TXNDC16: variants seen among roughly 807,000 people sequenced by gnomAD.
TXNDC16 encodes the protein thioredoxin domain containing 16.
Under a neutral mutation model 85.6 loss-of-function variants are expected in TXNDC16, and 74 were observed. That is an observed-to-expected ratio of 0.86 (90% CI 0.72 to 1.05). TXNDC16 has a LOEUF of 1.05. TXNDC16 is among the 50% of genes least tolerant of loss of function. The pLI is 0.00. For synonymous variants in TXNDC16, 335 were observed against 326.5 expected (o/e 1.03, Z -0.28); for missense variants, 959 against 947.0 (o/e 1.01, Z -0.17).
At chr14:52,521,229 C>G (rs146683845) in intron 6 of TXNDC16, among the ~76,000 whole-genome samples, 2,010 of 151,580 alleles carry the variant, frequency 0.013, 44 homozygotes, top group African/African-American at 0.046. Flanking sequence ...TCTTCTGCGT[C>G]AGCCTCCCGA....
intron 1 of TXNDC16, among the ~76,000 whole-genome samples, chr14:52,547,083 AAAAG>A (rs2037955565): frequency 6.6e-6 from 1 of 152,244 alleles, no homozygotes; most frequent in Admixed American, 6.5e-5. Flanking sequence ...ACAAGGTATT[AAAAG>A]AAAAATACCC....
At chr14:52,488,029 G>T (rs543414890) in intron 12 of TXNDC16, among the ~76,000 whole-genome samples, 94 of 152,250 alleles carry the variant, frequency 6.2e-4, no homozygotes, top group Admixed American at 3.1e-3. Context: ...TAGTAACAAT[G>T]AATTATCATG....
At chr14:52,529,839 TATA>T (rs1451988240) in intron 6 of TXNDC16, among the ~76,000 whole-genome samples, 3 of 110,590 alleles carry the variant, frequency 2.7e-5, no homozygotes, top group African/African-American at 1.2e-4. Context: ...TATTACTATA[TATA>T]ATAAATACCT....
chr14:52,491,362 T>TC (rs2036402188), intron 9 of TXNDC16, among the ~76,000 whole-genome samples: 1 of 126,266 alleles, frequency 7.9e-6, no homozygotes, highest in Admixed American at 8.4e-5. Flanking sequence ...TTTTTTTTTT[T>TC]TTTTTTTAAA....
chr14:52,461,699 A>G (rs2035656619), intron 16 of TXNDC16, among the ~76,000 whole-genome samples: 2 of 152,214 alleles, frequency 1.3e-5, no homozygotes, highest in South Asian at 4.1e-4. Flanking sequence ...CATGGCCATG[A>G]GGCAAATCTG....
chr14:52,482,358 C>A, intron 13 of TXNDC16, 69 bp from the exon 14 acceptor site: 1 of 1,295,500 alleles, frequency 7.7e-7, no homozygotes, highest in Non-Finnish European at 1.1e-6. Context: ...TGATATGTAA[C>A]AAATATACAG....
intron 1 of TXNDC16, among the ~76,000 whole-genome samples, chr14:52,549,814 T>C (rs748125034): frequency 6.6e-5 from 10 of 152,074 alleles, no homozygotes; most frequent in Non-Finnish European, 1.2e-4. Flanking sequence ...ATGTTTTGTA[T>C]TTTTAGTAGA....
chr14:52,455,765 T>G (rs3818516), intron 17 of TXNDC16, among the ~76,000 whole-genome samples: 13,126 of 152,234 alleles, frequency 0.086, 625 homozygotes, highest in East Asian at 0.14. Context: ...CAGTGAATGG[T>G]TCTCGACCTT....
At chr14:52,474,171 G>A (rs1449511383) in intron 14 of TXNDC16, among the ~76,000 whole-genome samples, 1 of 152,146 alleles carries the variant, frequency 6.6e-6, no homozygotes, top group Non-Finnish European at 1.5e-5. Flanking sequence ...TCTTCATTTG[G>A]TCATTAATAG....
chr14:52,530,487 TTA>T (rs1183444214), intron 6 of TXNDC16, among the ~76,000 whole-genome samples: 15 of 20,370 alleles, frequency 7.4e-4, no homozygotes, highest in African/African-American at 1.3e-3. Context: ...ATATATAATA[TTA>T]TATATAATAA....
intron 12 of TXNDC16, among the ~76,000 whole-genome samples, chr14:52,485,393 T>C (rs1333235386): frequency 1.3e-5 from 2 of 152,166 alleles, no homozygotes; most frequent in African/African-American, 4.8e-5. Context: ...TGTAAAAATG[T>C]ATAAAGTGAA....
At position 52,543,597 on chromosome 14, in the gene TXNDC16, T is replaced by G. The variant is rs141404621; in HGVS notation, c.-40A>C. 1.4e-5 allele frequency: 23 copies of G among 1,609,170 alleles called. No individual in the cohort carries two copies. The African/African-American group carries it at 3.1e-4, about 21-fold the overall frequency. Reference sequence around the variant, plus strand: ...GTATCTGAGCGGATTTTGTCTGTTTTTTCACTGCTGTGTTCTGTTTCCTAA... The same window carrying G: ...GTATCTGAGCGGATTTTGTCTGTTTGTTCACTGCTGTGTTCTGTTTCCTAA... On this transcript the variant is annotated 5_prime_UTR_variant, in exon 3 of 21. Coordinates refer to ENST00000281741, the MANE Select transcript of TXNDC16 (RefSeq NM_020784.3).
intron 16 of TXNDC16, chr14:52,462,709 T>C (rs1274557493): frequency 1.8e-5 from 6 of 329,494 alleles, no homozygotes; most frequent in African/African-American, 4.4e-5. Context: ...TGCACACCAA[T>C]AGGCATCCCT....
chr14:52,433,701 T>G (rs1018140722), intron 20 of TXNDC16, among the ~76,000 whole-genome samples: 3 of 152,220 alleles, frequency 2.0e-5, no homozygotes, highest in African/African-American at 7.2e-5. Flanking sequence ...ATCCTGGTAA[T>G]TGGTACATCA....
intron 1 of TXNDC16, among the ~76,000 whole-genome samples, chr14:52,550,458 G>T (rs2038021095): frequency 6.6e-6 from 1 of 152,090 alleles, no homozygotes; most frequent in Admixed American, 6.5e-5. Context: ...CCTTTTCAAA[G>T]CAGTTGGGAG....
chr14:52,470,095 G>C lies in TXNDC16; in HGVS notation c.1560C>G (p.Asp520Glu), dbSNP rs1035718201. The C allele has an allele frequency of 6.2e-7, 1 of 1,611,182 alleles. No homozygotes were observed. The highest frequency in any genetic ancestry group is 1.3e-5 in the African/African-American group (1 of 74,938). Residue 520 changes from aspartate (D) to glutamate (E), a missense_variant, in exon 16 of 21, where the codon GAC (aspartate) becomes GAG (glutamate). Coordinates refer to ENST00000281741, the MANE Select transcript of TXNDC16 (RefSeq NM_020784.3). ...CTGACACACTAGAATACAAGATGAG[G>C]TCTTTATATAATTCCCCACTTAAAT... ...EEYLSGELYK[D>E]LILYSSVSVL... is the part of the protein sequence containing the mutation.
At chr14:52,546,584 G>A (rs1032434333) in intron 1 of TXNDC16, among the ~76,000 whole-genome samples, 2 of 152,202 alleles carry the variant, frequency 1.3e-5, no homozygotes, top group Admixed American at 6.5e-5. Context: ...AGGCTTTACA[G>A]TCTTCTGCTG....
Position 52,514,882 on chromosome 14 carries a change from A to G in TXNDC16, c.603T>C (p.Ile201=), listed in dbSNP as rs1385837140. The part of the protein sequence containing the change: ...LTTEIALLES[I]GSEDVEYAHL... ...TGACATATGCTTTTTATACATACCC[A>G]ATACTTTCCAAAAGGGCAATTTCTG... is the stretch of plus-strand genomic sequence containing the variant. Residue 201 remains isoleucine, a splice_region_variant and synonymous_variant, in exon 8 of 21, where the codon ATT becomes ATC. Transcript: ENST00000281741. 1.2e-6 allele frequency: 2 copies of G among 1,608,476 alleles called. No homozygotes were observed. The highest frequency in any genetic ancestry group is 1.1e-5 in the South Asian group (1 of 89,970).
Position 52,432,389 on chromosome 14 carries a change from T to C in TXNDC16, c.2393A>G (p.Lys798Arg), listed in dbSNP as rs200017371. 6.2e-7 allele frequency: 1 copy of C among 1,614,046 alleles called. No individual in the cohort carries two copies. The highest frequency in any genetic ancestry group is 2.2e-5 in the East Asian group (1 of 44,860). The change falls in exon 21 of 21, where the codon AAG (lysine) becomes AGG (arginine). Residue 798 changes from lysine to arginine, a missense_variant. Lys to Arg is a conservative substitution (Grantham distance 26). Coordinates refer to ENST00000281741, the MANE Select transcript of TXNDC16 (RefSeq NM_020784.3). ...RKEPIETLRI[K>R]HWNRSNWFKE... ...AAACCAATTACTTCTATTCCAATGC[T>C]TTATTCTCAGAGTTTCAATCGGTTC...
Sources: gnomAD v4.1 joint callset for allele counts (sites outside exome capture counted in the v4.1 genomes callset) on GRCh38, gnomAD v4.1.1 for gene constraint, MANE v1.5 for transcripts, NCBI Gene and HGNC (gene_info 2026-07-23, HGNC 2026-07-21) for gene names.